The following KDM4C variants were observed in gnomAD, a reference collection of about 807,000 sequenced individuals.
KDM4C encodes the protein lysine demethylase 4C, also known as lysine-specific demethylase 4C.
A neutral mutation model predicts 129.3 loss-of-function variants in KDM4C; 81 were observed. The ratio of observed to expected loss-of-function variants is 0.63; its 90% CI spans 0.52 to 0.75. KDM4C has a LOEUF of 0.75. Ranked by LOEUF, KDM4C falls within the 30% of genes least tolerant of loss-of-function variation. The pLI is 0.00. For missense variants in KDM4C, 1,457 were observed against 1,304.0 expected, an observed-to-expected ratio of 1.12 and a Z score of -1.81; for synonymous variants, 573 against 456.1, an observed-to-expected ratio of 1.26 and a Z score of -3.26.
chr9:6,843,678 C>G (rs553793601), intron 4 of KDM4C, among the ~76,000 whole-genome samples: 1 of 152,278 alleles, frequency 6.6e-6, no homozygotes, highest in East Asian at 1.9e-4. Flanking sequence ...GGTTGGAGAA[C>G]TTTTGATTCC....
At chr9:6,962,638 C>T (rs1252595305) in intron 8 of KDM4C, among the ~76,000 whole-genome samples, 6 of 151,920 alleles carry the variant, frequency 3.9e-5, no homozygotes, top group African/African-American at 1.5e-4. Flanking sequence ...AGATACATTT[C>T]TTTGTTCCAT....
intron 17 of KDM4C, among the ~76,000 whole-genome samples, chr9:7,080,086 A>T (rs1834361098): frequency 6.6e-6 from 1 of 152,166 alleles, no homozygotes; most frequent in African/African-American, 2.4e-5. Flanking sequence ...TGCAGAATTT[A>T]TGTACCTTAT....
intron 17 of KDM4C, among the ~76,000 whole-genome samples, chr9:7,102,073 T>G (rs1028200956): frequency 3.3e-5 from 5 of 152,172 alleles, no homozygotes; most frequent in African/African-American, 1.2e-4. Flanking sequence ...TTATGATGTC[T>G]TTTTAGTTTT....
rs1408696412 is a variant in KDM4C, at chr9:6,734,651, G to A, written c.49+13654G>A. The A allele has an allele frequency of 2.1e-5, 6 of 290,608 alleles. No individual in the cohort carries two copies. The East Asian group carries it at 4.8e-4, about 23-fold the overall frequency. 18.0% of individuals were successfully genotyped at this position (290,608 alleles called of 1,614,324 possible). The stretch of plus-strand genomic sequence containing the variant: ...TTTGGAGATAACATACTTGCCATCA[G>A]TCCTGCAAAGTAATTGCCGAGGCTG... On this transcript the variant is annotated intron_variant, in intron 1 of 17. Coordinates refer to the KDM4C transcript ENST00000536108.
intron 1 of KDM4C, chr9:6,726,983 C>T (rs1817153334): frequency 6.6e-6 from 1 of 152,142 alleles, no homozygotes; most frequent in Admixed American, 6.6e-5. Flanking sequence ...GGTCCTCCTG[C>T]CTCAACCTCC....
intron 1 of KDM4C, among the ~76,000 whole-genome samples, chr9:6,734,427 T>A (rs371644117): frequency 1.3e-5 from 2 of 151,876 alleles, no homozygotes; most frequent in African/African-American, 4.8e-5. Context: ...CCCGAGTAGC[T>A]GGGATTACAG....
intron 4 of KDM4C, chr9:6,835,296 T>C (rs1195936763): frequency 1.1e-6 from 1 of 911,520 alleles, no homozygotes; most frequent in Non-Finnish European, 1.9e-6. Flanking sequence ...TGAACTCCAT[T>C]ATGAAGTGTG....
upstream of KDM4C, among the ~76,000 whole-genome samples, chr9:6,757,176 AG>A (rs572861328): frequency 5.4e-3 from 826 of 152,336 alleles, 9 homozygotes; most frequent in Middle Eastern, 0.024. Context: ...AACAAGTTGT[AG>A]GAAGTTAACT....
chr9:6,767,075 A>C (rs1820772384), intron 1 of KDM4C, among the ~76,000 whole-genome samples: 1 of 151,948 alleles, frequency 6.6e-6, no homozygotes, highest in Non-Finnish European at 1.5e-5. Context: ...GGTGAACTGA[A>C]GTGTTTTTTT....
intron 4 of KDM4C, among the ~76,000 whole-genome samples, chr9:6,830,712 TGTGAAGA>T (rs1834670808): frequency 2.6e-5 from 4 of 152,248 alleles, no homozygotes; most frequent in Admixed American, 2.6e-4. Flanking sequence ...AATTTTATTC[TGTGAAGA>T]ATGAAGAATG....
At chr9:7,119,973 A>T (rs1376221733) in intron 18 of KDM4C, among the ~76,000 whole-genome samples, 1 of 152,038 alleles carries the variant, frequency 6.6e-6, no homozygotes, top group Non-Finnish European at 1.5e-5. Flanking sequence ...TCATTATTTT[A>T]TTTTTATTCT....
chr9:7,055,714 A>G lies in KDM4C; in HGVS notation c.2424+6514A>G, dbSNP rs149636143. ...CTTCCTATTTCTTAGACGAAGGCGC[A>G]TGTTCTCTTGCCAACTGACTCATGT... On this transcript the variant is annotated intron_variant, in intron 17 of 21. Transcript: ENST00000381309. Among the ~76,000 whole-genome samples, 546 of 152,342 alleles carry G rather than the reference A, an allele frequency of 3.6e-3. 2 individuals are homozygous for G. The highest frequency in any genetic ancestry group is 5.1e-3 in the Non-Finnish European group (344 of 68,030).
At chr9:7,014,522 A>G (rs1343541656) in intron 14 of KDM4C, among the ~76,000 whole-genome samples, 1 of 152,164 alleles carries the variant, frequency 6.6e-6, no homozygotes, top group African/African-American at 2.4e-5. Context: ...TAGTCTCCAC[A>G]CCTATCTCAA....
intron 21 of KDM4C, among the ~76,000 whole-genome samples, chr9:7,171,123 G>A (rs1844917838): frequency 6.6e-6 from 1 of 152,028 alleles, no homozygotes; most frequent in Non-Finnish European, 1.5e-5. Context: ...GCATCAGGTG[G>A]GAACTGACTT....
chr9:7,064,165 C>G (rs1734241129), intron 17 of KDM4C, among the ~76,000 whole-genome samples: 1 of 152,110 alleles, frequency 6.6e-6, no homozygotes, highest in Non-Finnish European at 1.5e-5. Context: ...CATGTAACCA[C>G]CCTTAAACAT....
chr9:6,958,617 G>T (rs1829501033), intron 8 of KDM4C, among the ~76,000 whole-genome samples: 1 of 150,738 alleles, frequency 6.6e-6, no homozygotes, highest in African/African-American at 2.4e-5. Flanking sequence ...CACTGAGTAA[G>T]GAATATTTAC....
At chr9:6,796,765 C>T (rs1827832757) in intron 2 of KDM4C, among the ~76,000 whole-genome samples, 1 of 152,174 alleles carries the variant, frequency 6.6e-6, no homozygotes, top group South Asian at 2.1e-4. Flanking sequence ...ATTAGGAATA[C>T]AACGAACTGT....
At chr9:6,839,382 AC>A (rs1388901302) in intron 4 of KDM4C, among the ~76,000 whole-genome samples, 1 of 140,130 alleles carries the variant, frequency 7.1e-6, no homozygotes, top group Non-Finnish European at 1.5e-5. Context: ...GGCGCTTGCC[AC>A]CACACCTGGC....
intron 15 of KDM4C, among the ~76,000 whole-genome samples, chr9:7,029,656 G>C (rs926322186): frequency 6.6e-6 from 1 of 152,202 alleles, no homozygotes; most frequent in Admixed American, 6.5e-5. Flanking sequence ...TTGGGGGACA[G>C]TATAGCATTT....
Sources: allele counts gnomAD v4.1 joint callset (sites outside exome capture counted in the v4.1 genomes callset), GRCh38; gene constraint gnomAD v4.1.1; transcripts MANE v1.5; gene names NCBI Gene and HGNC (gene_info 2026-07-23, HGNC 2026-07-21).